PLD1: variants seen among roughly 807,000 people sequenced by gnomAD.
PLD1 encodes choline phosphatase 1.
In PLD1, 112 loss-of-function variants were observed where a neutral mutation model predicts 137.1. The observed-to-expected ratio is 0.82, with a 90% confidence interval of 0.70 to 0.96. PLD1 has a LOEUF of 0.96. Among genes scored for constraint, PLD1 ranks in the 40% least tolerant of loss-of-function variants. The probability of loss-of-function intolerance (pLI) is 0.00; values close to 1 mark genes in which losing one functional copy is unlikely to be tolerated. For missense variants in PLD1, 1,321 were observed against 1,342.0 expected (o/e 0.98, Z 0.24); for synonymous variants, 431 against 454.7 (o/e 0.95, Z 0.66).
At chr3:171,726,171 G>T in intron 6 of PLD1, 95 bp from the exon 7 acceptor site, 2 of 773,210 alleles carry the variant, frequency 2.6e-6, no homozygotes, top group Non-Finnish European at 4.6e-6. Context: ...TGTATATACT[G>T]TTTGGTGTGC....
At chr3:171,760,102 T>A (rs1721292381) in intron 1 of PLD1, among the ~76,000 whole-genome samples, 1 of 152,208 alleles carries the variant, frequency 6.6e-6, no homozygotes, top group Non-Finnish European at 1.5e-5. Flanking sequence ...TTGACTTTTT[T>A]ATTTATTCCC....
intron 1 of PLD1, chr3:171,792,184 T>C (rs985358636): frequency 2.7e-4 from 46 of 168,516 alleles, no homozygotes; most frequent in African/African-American, 1.1e-3. Context: ...CCTAGTGAAC[T>C]GTCCTACCAG....
Position 171,724,865 on chromosome 3 carries a change from G to A in PLD1, c.666-77C>T, listed in dbSNP as rs918430175. 5.9e-6 allele frequency: 5 copies of A among 841,368 alleles called. No individual in the cohort carries two copies. The African/African-American group carries it at 8.3e-5, about 14-fold the overall frequency. The allele number at this position is 841,368 out of a possible 1,614,324, so 52.1% of individuals were successfully genotyped here. On this transcript the variant is annotated intron_variant, in intron 7 of 26. Coordinates refer to ENST00000351298, the MANE Select transcript of PLD1 (RefSeq NM_002662.5). ...TAGCTCGTACAGCCTCCCAACATGGGACTAAATAAACCATCTCATTCTCAC... is the reference window on the plus strand; with the variant it reads ...TAGCTCGTACAGCCTCCCAACATGGAACTAAATAAACCATCTCATTCTCAC...
At chr3:171,738,874 G>T (rs542991640) in intron 1 of PLD1, among the ~76,000 whole-genome samples, 2 of 152,290 alleles carry the variant, frequency 1.3e-5, no homozygotes, top group South Asian at 4.1e-4. Flanking sequence ...TGAGATTCAA[G>T]CTTTGCACAC....
At chr3:171,735,362 A>G in intron 4 of PLD1, 130 bp downstream of exon 4, 1 of 762,708 alleles carries the variant, frequency 1.3e-6, no homozygotes. Context: ...TCTCAAACTC[A>G]TGACCTCAAC....
chr3:171,788,880 C>T (rs1723114927), intron 1 of PLD1: 4 of 151,840 alleles, frequency 2.6e-5, no homozygotes, highest in Admixed American at 6.5e-5. Flanking sequence ...AGTTGGTTTG[C>T]ATCTGTTAAT....
chr3:171,648,668 C>A (rs1736471873), intron 21 of PLD1, among the ~76,000 whole-genome samples: 1 of 152,082 alleles, frequency 6.6e-6, no homozygotes, highest in South Asian at 2.1e-4. Context: ...CATTCTCCTG[C>A]CTCAGCTTCC....
chr3:171,643,069 A>T, intron 22 of PLD1, 180 bp from the exon 23 acceptor site: 4 of 504,714 alleles, frequency 7.9e-6, no homozygotes, highest in Non-Finnish European at 1.4e-5. Flanking sequence ...TAATGCTACT[A>T]ATAGGGACAT....
intron 16 of PLD1, among the ~76,000 whole-genome samples, chr3:171,682,646 C>T (rs1017286449): frequency 1.3e-5 from 2 of 152,164 alleles, no homozygotes; most frequent in East Asian, 1.9e-4. Flanking sequence ...CTTTAAACTT[C>T]CTTCATTTTT....
rs572936783 is a variant in PLD1 at position 171,698,859 on chromosome 3, C to T, written c.1227+886G>A. Among the ~76,000 whole-genome samples the T allele has an allele frequency of 2.7e-5, 4 of 148,812 alleles. No individual in the cohort carries two copies. The East Asian group carries it at 5.9e-4, about 22-fold the overall frequency. On this transcript the variant is annotated intron_variant, in intron 12 of 26. Coordinates refer to ENST00000351298, the MANE Select transcript of PLD1 (RefSeq NM_002662.5). ...GGCATGGTGGTGGGCACTTGTAATC[C>T]CAGCTATTTGGGAGGCTGAGGCAGG...
intron 1 of PLD1, among the ~76,000 whole-genome samples, chr3:171,794,469 T>A (rs1723349494): frequency 6.6e-6 from 1 of 152,198 alleles, no homozygotes; most frequent in Non-Finnish European, 1.5e-5. Flanking sequence ...GTTGTGCTTC[T>A]ACCGTGCATC....
chr3:171,730,279 G>A (rs1718832357), intron 6 of PLD1, among the ~76,000 whole-genome samples: 2 of 151,438 alleles, frequency 1.3e-5, no homozygotes, highest in Admixed American at 1.3e-4. Context: ...TTTATGCTTA[G>A]GGTAAAGAGG....
chr3:171,621,384 C>G (rs1733618087), intron 23 of PLD1, among the ~76,000 whole-genome samples: 1 of 152,128 alleles, frequency 6.6e-6, no homozygotes, highest in South Asian at 2.1e-4. Context: ...GGAGTGGAAC[C>G]AAACTATCAC....
chr3:171,670,859 T>C (rs1397552555), intron 19 of PLD1, among the ~76,000 whole-genome samples: 1 of 152,246 alleles, frequency 6.6e-6, no homozygotes, highest in Non-Finnish European at 1.5e-5. Flanking sequence ...CTTTAAAAAT[T>C]AAGAAGTGTA....
At chr3:171,603,410 A>G in intron 26 of PLD1, 108 bp from the exon 27 acceptor site, 1 of 728,876 alleles carries the variant, frequency 1.4e-6, no homozygotes, top group South Asian at 1.8e-5. Flanking sequence ...TATGAAACAT[A>G]TTATTAGTCT....
chr3:171,705,344 C>G (rs529764553), intron 11 of PLD1, among the ~76,000 whole-genome samples: 138 of 152,170 alleles, frequency 9.1e-4, no homozygotes, highest in African/African-American at 3.2e-3. Flanking sequence ...ACATCATAAC[C>G]AAACTGCTGA....
chr3:171,809,704 G>T (rs1418710878), intron 1 of PLD1: 1 of 152,302 alleles, frequency 6.6e-6, no homozygotes, highest in African/African-American at 2.4e-5. Flanking sequence ...GGTTCTCAAG[G>T]GCGTCACAAA....
rs148957813 is a variant in PLD1 at position 171,674,715 on chromosome 3, C to T, written c.2116-102G>A. 964 of 604,084 alleles carry T rather than the reference C, an allele frequency of 1.6e-3. 9 individuals carry two copies. The African/African-American group carries it at 0.017, about 10-fold the overall frequency. 37.4% of individuals were successfully genotyped at this position (604,084 alleles called of 1,614,324 possible). A position where few individuals can be genotyped will look rare whatever the true frequency, so the allele number is the denominator to read the frequency against. On this transcript the variant is annotated intron_variant, in intron 18 of 26. Transcript: ENST00000351298. Reference sequence around the variant, plus strand: ...ATTCATGCCCAGGTGCAGTGGCTCACGCCTGTAATCCCAGCACTTTGGGAG... The same window carrying T: ...ATTCATGCCCAGGTGCAGTGGCTCATGCCTGTAATCCCAGCACTTTGGGAG...
intron 1 of PLD1, among the ~76,000 whole-genome samples, chr3:171,752,121 A>ATT (rs1720710973): frequency 6.6e-6 from 1 of 152,256 alleles, no homozygotes; most frequent in Non-Finnish European, 1.5e-5. Flanking sequence ...AGTGCATTAG[A>ATT]ACTACATGTA....
Sources: allele counts gnomAD v4.1 joint callset (sites outside exome capture counted in the v4.1 genomes callset), GRCh38; gene constraint gnomAD v4.1.1; transcripts MANE v1.5; gene names NCBI Gene and HGNC (gene_info 2026-07-23, HGNC 2026-07-21).